FOXO1: variants seen among roughly 807,000 people sequenced by gnomAD.
FOXO1 encodes the protein forkhead box O1, also known as forkhead box protein O1.
A neutral mutation model predicts 44.1 loss-of-function variants in FOXO1; 6 were observed. The ratio of observed to expected loss-of-function variants is 0.14; its 90% CI spans 0.07 to 0.27. The LOEUF (loss-of-function observed/expected upper bound fraction) is 0.27, where lower values mean the gene tolerates loss of function less well. FOXO1 is among the 10% of genes least tolerant of loss of function. The probability of loss-of-function intolerance (pLI) is 1.00; values close to 1 mark genes in which losing one functional copy is unlikely to be tolerated. For missense variants in FOXO1, 737 were observed against 888.8 expected (o/e 0.83, Z 2.17); for synonymous variants, 380 against 362.7 (o/e 1.05, Z -0.54).
chr13:40,618,293 C>A (rs541965762), intron 1 of FOXO1, among the ~76,000 whole-genome samples: 16 of 152,222 alleles, frequency 1.1e-4, no homozygotes, highest in Admixed American at 8.5e-4. Context: ...GTTTCAAACT[C>A]CTGGACTCAA....
At chr13:40,655,297 C>A (rs1593417397) in intron 1 of FOXO1, among the ~76,000 whole-genome samples, 2 of 150,114 alleles carry the variant, frequency 1.3e-5, no homozygotes, top group South Asian at 4.2e-4. Flanking sequence ...TTGCAGTGAG[C>A]CAAGATTGGG....
At chr13:40,623,921 TAA>T (rs776362097) in intron 1 of FOXO1, among the ~76,000 whole-genome samples, 3 of 125,040 alleles carry the variant, frequency 2.4e-5, no homozygotes, top group African/African-American at 3.2e-5. Flanking sequence ...CACCATCTCT[TAA>T]AAAAAAAAAA....
chr13:40,572,698 T>G (rs1339871400), intron 1 of FOXO1, among the ~76,000 whole-genome samples: 1 of 152,226 alleles, frequency 6.6e-6, no homozygotes, highest in Non-Finnish European at 1.5e-5. Flanking sequence ...CAAAACTATT[T>G]GGGCCCAGGT....
intron 1 of FOXO1, among the ~76,000 whole-genome samples, chr13:40,602,513 A>G (rs1875847985): frequency 6.6e-6 from 1 of 152,232 alleles, no homozygotes; most frequent in South Asian, 2.1e-4. Flanking sequence ...TACATAATCA[A>G]TGTACCCGAA....
rs567610857 is a variant in FOXO1, at chr13:40,666,314, G to T, written c.-102C>A. Reference sequence around the variant, plus strand: ...GGCGCGAAGGGACGGTCCGAGATTTGGGGGAACGAAGCCGGTGCGGCGAGC... The same window carrying T: ...GGCGCGAAGGGACGGTCCGAGATTTTGGGGAACGAAGCCGGTGCGGCGAGC... On this transcript the variant is annotated 5_prime_UTR_variant, in exon 1 of 3. Coordinates refer to ENST00000379561, the MANE Select transcript of FOXO1 (RefSeq NM_002015.4). 14 of 974,968 alleles carry T rather than the reference G, an allele frequency of 1.4e-5. No homozygotes were observed. Among genetic ancestry groups the T allele is most frequent in the Admixed American group, 1.3e-4 (3 of 23,690 alleles). The allele number at this position is 974,968 out of a possible 1,614,324, so 60.4% of individuals were successfully genotyped here. A position where few individuals can be genotyped will look rare whatever the true frequency, so the allele number is the denominator to read the frequency against.
chr13:40,615,211 TG>T (rs1357261706), intron 1 of FOXO1, among the ~76,000 whole-genome samples: 1 of 151,906 alleles, frequency 6.6e-6, no homozygotes, highest in Non-Finnish European at 1.5e-5. Flanking sequence ...GAATACACAC[TG>T]GGGGTAGGTG....
At chr13:40,618,820 A>C (rs187944593) in intron 1 of FOXO1, 1 of 526,580 alleles carries the variant, frequency 1.9e-6, no homozygotes, top group Non-Finnish European at 3.8e-6. Flanking sequence ...AAATGGGAGA[A>C]GATGGCAGCA....
intron 1 of FOXO1, among the ~76,000 whole-genome samples, chr13:40,607,103 C>G (rs985137365): frequency 3.3e-5 from 5 of 152,160 alleles, no homozygotes; most frequent in Non-Finnish European, 7.3e-5. Flanking sequence ...CAATCAAGAC[C>G]AGACCCAGGT....
chr13:40,666,263 G>C lies in FOXO1; in HGVS notation c.-51C>G, dbSNP rs1403942107. The C allele has an allele frequency of 5.3e-6, 7 of 1,330,196 alleles. No homozygotes were observed. The African/African-American group carries it at 6.1e-5, about 12-fold the overall frequency. The allele number at this position is 1,330,196 out of a possible 1,614,324, so 82.4% of individuals were successfully genotyped here. ...GCAGGAGAGCCAAGAGGGGGAGAAC[G>C]CAGCACTGGGGGCGGACGGGGAGGG... On this transcript the variant is annotated 5_prime_UTR_variant, in exon 1 of 3. Coordinates refer to ENST00000379561, the MANE Select transcript of FOXO1 (RefSeq NM_002015.4).
At chr13:40,599,644 C>T (rs527854719) in intron 1 of FOXO1, among the ~76,000 whole-genome samples, 6 of 152,034 alleles carry the variant, frequency 3.9e-5, no homozygotes, top group Middle Eastern at 3.4e-3. Flanking sequence ...AGGGTGGGTA[C>T]GGAAAAGGGA....
At chr13:40,585,334 T>TGCGC (rs201623798) in intron 1 of FOXO1, among the ~76,000 whole-genome samples, 20 of 134,214 alleles carry the variant, frequency 1.5e-4, no homozygotes, top group African/African-American at 3.5e-4. Context: ...GTATTTCCTC[T>TGCGC]GCGCGCGCGC....
intron 1 of FOXO1, among the ~76,000 whole-genome samples, chr13:40,606,457 G>A (rs147091605): frequency 0.023 from 3,485 of 151,972 alleles, 142 homozygotes; most frequent in African/African-American, 0.08. Context: ...TTACAGGCAC[G>A]TGCCACCACC....
At chr13:40,655,948 A>C (rs1877846927) in intron 1 of FOXO1, among the ~76,000 whole-genome samples, 2 of 152,030 alleles carry the variant, frequency 1.3e-5, no homozygotes, top group South Asian at 4.1e-4. Flanking sequence ...GCTCTCCTCA[A>C]CACTTGCCAT....
At chr13:40,600,033 T>C (rs769128266) in intron 1 of FOXO1, among the ~76,000 whole-genome samples, 6 of 152,186 alleles carry the variant, frequency 3.9e-5, no homozygotes, top group Non-Finnish European at 8.8e-5. Flanking sequence ...TTCAACTCCA[T>C]GCTCTACTGT....
chr13:40,649,578 G>C (rs543565322), intron 1 of FOXO1, among the ~76,000 whole-genome samples: 2 of 152,062 alleles, frequency 1.3e-5, no homozygotes, highest in South Asian at 2.1e-4. Context: ...TATTAAGTAG[G>C]GTCCTCCTAT....
rs111972529 is a variant in FOXO1, at chr13:40,649,982, G to A, written c.630+15601C>T. 3.8e-4 allele frequency among the ~76,000 whole-genome samples: 58 copies of A among 152,300 alleles called. 1 individual carries two copies. Among genetic ancestry groups the A allele is most frequent in the African/African-American group, 1.2e-3 (50 of 41,558 alleles). ...TCTCCCACAAGGAAGAATTCTGGAC[G>A]AGTCCCTAGAGTAAAGTGAAAGCAA... On this transcript the variant is annotated intron_variant, in intron 1 of 2. Transcript: ENST00000379561.
At chr13:40,566,678 C>T (rs1406304172) in intron 1 of FOXO1, among the ~76,000 whole-genome samples, 2 of 152,172 alleles carry the variant, frequency 1.3e-5, no homozygotes, top group African/African-American at 4.8e-5. Flanking sequence ...TGCGCCTGGC[C>T]TACTTTAAAT....
chr13:40,567,340 A>C (rs1874309059), intron 1 of FOXO1, among the ~76,000 whole-genome samples: 1 of 152,058 alleles, frequency 6.6e-6, no homozygotes, highest in Admixed American at 6.6e-5. Flanking sequence ...TTATTATATA[A>C]ACTATGTATT....
chr13:40,584,090 G>A (rs943187823), intron 1 of FOXO1, among the ~76,000 whole-genome samples: 5 of 152,056 alleles, frequency 3.3e-5, no homozygotes, highest in African/African-American at 1.2e-4. Flanking sequence ...AGACAGATGG[G>A]GAATGGCAGG....
Sources: gnomAD v4.1 joint callset for allele counts (sites outside exome capture counted in the v4.1 genomes callset) on GRCh38, gnomAD v4.1.1 for gene constraint, MANE v1.5 for transcripts, NCBI Gene and HGNC (gene_info 2026-07-23, HGNC 2026-07-21) for gene names.